The following IKZF2 variants were observed in gnomAD, a reference collection of about 807,000 sequenced individuals.
IKZF2 encodes IKAROS family zinc finger 2, also known as zinc finger protein Helios.
Under a neutral mutation model 49.2 loss-of-function variants are expected in IKZF2, and 15 were observed. The observed-to-expected ratio is 0.30, with a 90% CI of 0.20 to 0.47. IKZF2 has a LOEUF of 0.47. Ranked by LOEUF, IKZF2 falls within the 20% of genes least tolerant of loss-of-function variation. The pLI is 1.00. For synonymous variants in IKZF2, 227 were observed against 221.4 expected, an observed-to-expected ratio of 1.03 and a Z score of -0.23; for missense variants, 567 against 664.6, an observed-to-expected ratio of 0.85 and a Z score of 1.61.
At chr2:213,073,048 A>T (rs1026939139) in intron 4 of IKZF2, among the ~76,000 whole-genome samples, 1 of 152,170 alleles carries the variant, frequency 6.6e-6, no homozygotes, top group Non-Finnish European at 1.5e-5. Flanking sequence ...TCTCGGATGC[A>T]AGAAAGCAGA....
At position 213,017,011 on chromosome 2, in the gene IKZF2, T is replaced by C. The variant is rs117644805; in HGVS notation, c.713-3077A>G. 30 of 152,208 alleles carry C rather than the reference T, an allele frequency of 2.0e-4. No individual in the cohort carries two copies. The East Asian group carries it at 5.4e-3, about 27-fold the overall frequency. The allele number at this position is 152,208 out of a possible 1,614,324, so 9.4% of individuals were successfully genotyped here. ...GCAGGCAAAAACAACAGATGTCTTC[T>C]ATATTGTTGCAAATTTTCTCCGTGT... On this transcript the variant is annotated intron_variant, in intron 7 of 8. Coordinates refer to ENST00000434687, the MANE Select transcript of IKZF2 (RefSeq NM_001387220.1).
chr2:213,118,111 A>C (rs558392686), intron 4 of IKZF2, among the ~76,000 whole-genome samples: 145 of 152,318 alleles, frequency 9.5e-4, no homozygotes, highest in African/African-American at 3.3e-3. Context: ...ATGACTTTTT[A>C]CTCTGTCTTC....
At chr2:213,104,618 A>T (rs2059463013) in intron 4 of IKZF2, among the ~76,000 whole-genome samples, 1 of 152,194 alleles carries the variant, frequency 6.6e-6, no homozygotes, top group Non-Finnish European at 1.5e-5. Context: ...GCAGAGTACG[A>T]GGCACTATTT....
rs116446812 is a variant in IKZF2 at position 213,125,810 on chromosome 2, C to A, written c.139+21898G>T. Among the ~76,000 whole-genome samples the A allele has an allele frequency of 5.9e-3, 893 of 151,746 alleles. 12 individuals carry two copies. Among genetic ancestry groups the A allele is most frequent in the African/African-American group, 0.021 (862 of 41,274 alleles). On this transcript the variant is annotated intron_variant, in intron 4 of 8. Coordinates refer to ENST00000434687, the MANE Select transcript of IKZF2 (RefSeq NM_001387220.1). ...TAAAGGTATTATATGCACCCAAGAA[C>A]AACGTTGGTATTAAAAAAAAATCCT...
rs1339418544 is a variant in IKZF2, at chr2:213,038,665, C to T, written c.574+11048G>A. 3.3e-5 allele frequency among the ~76,000 whole-genome samples: 5 copies of T among 150,252 alleles called. No individual in the cohort carries two copies. The East Asian group carries it at 9.7e-4, about 29-fold the overall frequency. The stretch of plus-strand genomic sequence containing the variant: ...GAATTATAAGAAAGACAAGAAAGAG[C>T]AGACCACAACACTCAAAAGAAGAAG... On this transcript the variant is annotated intron_variant, in intron 6 of 8. Transcript: ENST00000434687.
intron 4 of IKZF2, among the ~76,000 whole-genome samples, chr2:213,058,599 C>G (rs1324322422): frequency 6.6e-6 from 1 of 151,918 alleles, no homozygotes; most frequent in South Asian, 2.1e-4. Flanking sequence ...AGAGTACCAA[C>G]TATATTGAGT....
intron 4 of IKZF2, among the ~76,000 whole-genome samples, chr2:213,080,179 GAGAT>G (rs6147162): frequency 2.0e-3 from 196 of 97,206 alleles, no homozygotes; most frequent in African/African-American, 4.2e-3. Context: ...AATCTATATA[GAGAT>G]AGATAGATAG....
intron 4 of IKZF2, among the ~76,000 whole-genome samples, chr2:213,135,043 C>T (rs925992209): frequency 6.6e-6 from 1 of 152,164 alleles, no homozygotes; most frequent in African/African-American, 2.4e-5. Flanking sequence ...GTCCTACCTC[C>T]ATTAGCAACA....
intron 6 of IKZF2, among the ~76,000 whole-genome samples, chr2:213,035,797 T>G (rs946857361): frequency 5.9e-5 from 9 of 152,158 alleles, no homozygotes; most frequent in African/African-American, 2.2e-4. Context: ...GGAAAACCAT[T>G]AAAATATTTT....
At chr2:213,112,570 T>C (rs1345316623) in intron 4 of IKZF2, among the ~76,000 whole-genome samples, 4 of 137,100 alleles carry the variant, frequency 2.9e-5, no homozygotes, top group Admixed American at 1.4e-4. Flanking sequence ...CAAGTGATCC[T>C]CTTGCCTCAG....
intron 4 of IKZF2, among the ~76,000 whole-genome samples, chr2:213,089,774 G>GT (rs1409841965): frequency 6.6e-6 from 1 of 152,124 alleles, no homozygotes; most frequent in African/African-American, 2.4e-5. Context: ...TTAGTAAAAG[G>GT]TAAGTATAGA....
chr2:213,125,092 T>C (rs1385735118), intron 4 of IKZF2, among the ~76,000 whole-genome samples: 1 of 152,214 alleles, frequency 6.6e-6, no homozygotes, highest in East Asian at 1.9e-4. Context: ...CTATGCTAAA[T>C]ACTTTGGAAG....
intron 5 of IKZF2, among the ~76,000 whole-genome samples, chr2:213,052,385 A>G (rs974036288): frequency 6.6e-5 from 10 of 152,088 alleles, no homozygotes; most frequent in Non-Finnish European, 1.2e-4. Context: ...GGCATTGAAA[A>G]TAATACATTT....
In IKZF2 at chr2:213,038,157, TGCACGCCGTTCTCCTGCCTCA is replaced by T. The variant is rs561592684; in HGVS notation, c.574+11535_574+11555del. Among the ~76,000 whole-genome samples the T allele has an allele frequency of 2.6e-3, 391 of 152,160 alleles. 1 individual carries two copies. Among genetic ancestry groups the T allele is most frequent in the African/African-American group, 9.2e-3 (380 of 41,518 alleles). Reference sequence around the variant, plus strand: ...TTCACTACAAGCTCCGCCTCCCAGATGCACGCCGTTCTCCTGCCTCAGCCTCCCGTAGCTGGAACTACAGGG... The same window carrying T: ...TTCACTACAAGCTCCGCCTCCCAGATGCCTCCCGTAGCTGGAACTACAGGG... On this transcript the variant is annotated intron_variant, in intron 6 of 8. Transcript: ENST00000434687.
chr2:213,151,963 G>T (rs1349929800), upstream of IKZF2, among the ~76,000 whole-genome samples: 1 of 151,650 alleles, frequency 6.6e-6, no homozygotes, highest in Non-Finnish European at 1.5e-5. Context: ...GAGGCTCCGC[G>T]ACGCGCGCAC....
chr2:213,040,101 A>G (rs1026771363), intron 6 of IKZF2, among the ~76,000 whole-genome samples: 1 of 152,166 alleles, frequency 6.6e-6, no homozygotes, highest in Non-Finnish European at 1.5e-5. Context: ...CTGAACCAGT[A>G]TAATTCTTAG....
At chr2:213,044,795 A>T (rs765437396) in intron 6 of IKZF2, among the ~76,000 whole-genome samples, 19 of 152,218 alleles carry the variant, frequency 1.2e-4, no homozygotes, top group Non-Finnish European at 2.2e-4. Flanking sequence ...AATAAGGCTG[A>T]AGACCAACTC....
chr2:213,059,865 G>GA (rs1023840948), intron 4 of IKZF2, among the ~76,000 whole-genome samples: 19 of 151,286 alleles, frequency 1.3e-4, no homozygotes, highest in African/African-American at 3.9e-4. Context: ...AATAAATACA[G>GA]AAAAAATGTA....
chr2:213,016,460 T>C (rs1319546965), intron 7 of IKZF2, among the ~76,000 whole-genome samples: 1 of 152,188 alleles, frequency 6.6e-6, no homozygotes, highest in Non-Finnish European at 1.5e-5. Flanking sequence ...ACCTGATACA[T>C]TTTTCCTTAA....
Sources: allele counts gnomAD v4.1 joint callset (sites outside exome capture counted in the v4.1 genomes callset), GRCh38; gene constraint gnomAD v4.1.1; transcripts MANE v1.5; gene names NCBI Gene and HGNC (gene_info 2026-07-23, HGNC 2026-07-21).